PPARGC1A: variants seen among roughly 807,000 people sequenced by gnomAD.
PPARGC1A encodes the protein peroxisome proliferator-activated receptor gamma coactivator 1-alpha.
Under a neutral mutation model 88.7 loss-of-function variants are expected in PPARGC1A, and 25 were observed. The ratio of observed to expected loss-of-function variants is 0.28; its 90% CI spans 0.21 to 0.39. The LOEUF (loss-of-function observed/expected upper bound fraction) is 0.39. Ranked by LOEUF, PPARGC1A falls within the 10% of genes least tolerant of loss-of-function variation. PPARGC1A has a pLI of 1.00. For missense variants in PPARGC1A, 880 were observed against 968.7 expected (o/e 0.91, Z 1.22); for synonymous variants, 363 against 355.6 (o/e 1.02, Z -0.24).
At chr4:24,338,898 A>C in the PPARGC1A span, among the ~76,000 whole-genome samples, 2 of 152,168 alleles carry the variant, frequency 1.3e-5, no homozygotes. Flanking sequence ...TACACTTTTA[A>C]AAATCTTTAT....
At chr4:24,457,862 C>G in the PPARGC1A span, among the ~76,000 whole-genome samples, 1 of 152,092 alleles carries the variant, frequency 6.6e-6, no homozygotes, top group African/African-American at 2.4e-5. Context: ...CGTGCCTGAC[C>G]GAGATACTGT....
At chr4:24,276,923 G>T in the PPARGC1A span, among the ~76,000 whole-genome samples, 2 of 152,134 alleles carry the variant, frequency 1.3e-5, no homozygotes, top group Non-Finnish European at 2.9e-5. Flanking sequence ...GCAAAATGAT[G>T]AATATCAAGC....
the PPARGC1A span, among the ~76,000 whole-genome samples, chr4:24,095,655 G>C: frequency 6.6e-6 from 1 of 152,086 alleles, no homozygotes; most frequent in Non-Finnish European, 1.5e-5. Flanking sequence ...TAGTCCACTT[G>C]TGCTGCTGTA....
chr4:23,999,117 C>A, the PPARGC1A span, among the ~76,000 whole-genome samples: 1 of 152,200 alleles, frequency 6.6e-6, no homozygotes, highest in Admixed American at 6.5e-5. Flanking sequence ...ATATGTAGTA[C>A]TCCTAGCAAG....
Position 23,884,769 on chromosome 4 carries a change from G to C in PPARGC1A, c.217C>G (p.Pro73Ala). ...GTCCTTACCTCAAATATGTTTGAAG[G>C]CTCATTGTTGTACTGATTGGATATT... is the stretch of plus-strand genomic sequence containing the variant. ...EIISNQYNNE[P>A]SNIFEKIDEE... Residue 73 changes from proline to alanine, a missense_variant, in exon 2 of 13, where the codon CCT (proline) becomes GCT (alanine). By Grantham distance (27) the Pro-to-Ala change is conservative (BLOSUM62 -1). Coordinates refer to ENST00000264867, the MANE Select transcript of PPARGC1A (RefSeq NM_013261.5). 1 of 1,610,438 alleles carries C rather than the reference G, an allele frequency of 6.2e-7. No homozygotes were observed. The highest frequency in any genetic ancestry group is 8.5e-7 in the Non-Finnish European group (1 of 1,178,250).
the PPARGC1A span, among the ~76,000 whole-genome samples, chr4:24,194,669 C>CACACG: frequency 2.5e-5 from 1 of 40,170 alleles, no homozygotes; most frequent in Non-Finnish European, 1.0e-4. Flanking sequence ...CACACACACA[C>CACACG]CCCCATCAAG....
the PPARGC1A span, among the ~76,000 whole-genome samples, chr4:24,238,587 T>G: frequency 3.3e-5 from 5 of 152,176 alleles, no homozygotes; most frequent in African/African-American, 7.2e-5. Context: ...GTATGTGAAA[T>G]GTATGATGCT....
At chr4:24,225,552 C>A in the PPARGC1A span, among the ~76,000 whole-genome samples, 5 of 149,778 alleles carry the variant, frequency 3.3e-5, no homozygotes, top group Non-Finnish European at 7.4e-5. Context: ...CACACACACA[C>A]AAAAACAAAA....
the PPARGC1A span, among the ~76,000 whole-genome samples, chr4:24,323,564 A>T: frequency 1.3e-5 from 2 of 151,048 alleles, no homozygotes; most frequent in Admixed American, 1.3e-4. Context: ...GTAATTTTCC[A>T]TTACCTTCCC....
the PPARGC1A span, among the ~76,000 whole-genome samples, chr4:24,341,726 G>T: frequency 4.6e-5 from 7 of 152,186 alleles, no homozygotes; most frequent in Non-Finnish European, 7.4e-5. Context: ...ACAGATTAAA[G>T]GCCTTGAGAT....
the PPARGC1A span, among the ~76,000 whole-genome samples, chr4:24,118,363 C>T: frequency 6.6e-6 from 1 of 152,112 alleles, no homozygotes; most frequent in Non-Finnish European, 1.5e-5. Context: ...GAAAAAAACC[C>T]AAACGTTAGA....
At chr4:24,350,388 C>T in the PPARGC1A span, among the ~76,000 whole-genome samples, 63 of 152,094 alleles carry the variant, frequency 4.1e-4, no homozygotes, top group African/African-American at 1.3e-3. Context: ...CTGAAAAAAA[C>T]TTTTTTTTTG....
the PPARGC1A span, among the ~76,000 whole-genome samples, chr4:23,955,559 C>T: frequency 6.6e-6 from 1 of 152,052 alleles, no homozygotes; most frequent in Non-Finnish European, 1.5e-5. Flanking sequence ...AGGTAGCTTA[C>T]AGTGAACGTT....
chr4:23,894,821 G>A (rs1718335252), upstream of PPARGC1A, among the ~76,000 whole-genome samples: 1 of 152,120 alleles, frequency 6.6e-6, no homozygotes, highest in Non-Finnish European at 1.5e-5. Flanking sequence ...ATAAAAGGGT[G>A]GTTAAAATCT....
the PPARGC1A span, among the ~76,000 whole-genome samples, chr4:24,088,535 T>C: frequency 6.6e-6 from 1 of 152,198 alleles, no homozygotes; most frequent in Non-Finnish European, 1.5e-5. Flanking sequence ...TATGTGACTG[T>C]GGGCATGTTC....
chr4:24,278,177 T>C, the PPARGC1A span, among the ~76,000 whole-genome samples: 2 of 146,172 alleles, frequency 1.4e-5, no homozygotes, highest in Non-Finnish European at 3.0e-5. Flanking sequence ...CAAAAAAAAA[T>C]AAAAATAAAA....
chr4:24,307,108 T>A, the PPARGC1A span, among the ~76,000 whole-genome samples: 1 of 152,216 alleles, frequency 6.6e-6, no homozygotes, highest in African/African-American at 2.4e-5. Context: ...AAGTCATCTA[T>A]AAATTTCCAG....
the PPARGC1A span, among the ~76,000 whole-genome samples, chr4:24,150,932 C>T: frequency 3.6e-4 from 55 of 152,274 alleles, no homozygotes; most frequent in African/African-American, 1.2e-3. Flanking sequence ...TCTATTTCCA[C>T]GCATCTCTTT....
At chr4:24,026,774 A>T in the PPARGC1A span, among the ~76,000 whole-genome samples, 1 of 152,152 alleles carries the variant, frequency 6.6e-6, no homozygotes, top group African/African-American at 2.4e-5. Context: ...GGTGTATAGG[A>T]AAGCTGTGGG....
Sources: allele counts gnomAD v4.1 joint callset (sites outside exome capture counted in the v4.1 genomes callset), GRCh38; gene constraint gnomAD v4.1.1; transcripts MANE v1.5; gene names NCBI Gene and HGNC (gene_info 2026-07-23, HGNC 2026-07-21).